The following DCLRE1C variants were observed in gnomAD, a reference collection of about 807,000 sequenced individuals.
DCLRE1C encodes the protein DNA cross-link repair 1C.
A neutral mutation model predicts 61.4 loss-of-function variants in DCLRE1C; 47 were observed. That is an observed-to-expected ratio of 0.77 (90% CI 0.61 to 0.98). The LOEUF (loss-of-function observed/expected upper bound fraction) is 0.98, where lower values mean the gene tolerates loss of function less well. Ranked by LOEUF, DCLRE1C falls within the 50% of genes least tolerant of loss-of-function variation. DCLRE1C has a pLI of 0.00. For missense variants in DCLRE1C, 858 were observed against 816.0 expected (o/e 1.05, Z -0.63); for synonymous variants, 337 against 287.6 (o/e 1.17, Z -1.74).
At position 14,908,947 on chromosome 10, in the gene DCLRE1C, CT is replaced by C; in HGVS notation, c.1539del (p.Gly515AspfsTer29). ...AAAAGCTTTGGTGACTGAGATCCCC[CT>C]GCCACTGTGGAGGAAGGGAAGTTTT... is the stretch of plus-strand genomic sequence containing the variant. ...SLENFPSSTV[A>X]GGSQSPKLFS... is the part of the protein sequence containing the mutation. On this transcript the variant is annotated frameshift_variant, in exon 14 of 14. Transcript: ENST00000378278. LOFTEE classifies it low-confidence loss of function (END_TRUNC). The C allele has an allele frequency of 6.2e-7, 1 of 1,614,206 alleles. No homozygotes were observed. Among genetic ancestry groups the C allele is most frequent in the Non-Finnish European group, 8.5e-7 (1 of 1,180,036 alleles).
At position 14,936,570 on chromosome 10, in the gene DCLRE1C, G is replaced by A. The variant is rs768414966; in HGVS notation, c.330C>T (p.Leu110=). ...ATCCCGGACAGTGACCAGCTGGTAAGAGAGTCACAACAATCTCTTCCTTCT... is the reference window on the plus strand; with the variant it reads ...ATCCCGGACAGTGACCAGCTGGTAAAAGAGTCACAACAATCTCTTCCTTCT... ...SGEKEEIVVT[L]LPAGHCPGSV... The change falls in exon 5 of 14, where the codon CTC becomes CTT. Residue 110 remains leucine (L), a synonymous_variant. Coordinates refer to ENST00000378278, the MANE Select transcript of DCLRE1C (RefSeq NM_001033855.3). 54 of 1,613,132 alleles carry A rather than the reference G, an allele frequency of 3.3e-5. No individual in the cohort carries two copies. Among genetic ancestry groups the A allele is most frequent in the Admixed American group, 1.3e-4 (8 of 59,976 alleles).
intron 3 of DCLRE1C, 129 bp from the exon 4 acceptor site, chr10:14,939,998 T>C (rs370721458): frequency 1.5e-6 from 1 of 663,238 alleles, no homozygotes; most frequent in Non-Finnish European, 2.6e-6. Context: ...TCCGATTACA[T>C]TGTAATAAAT....
At chr10:14,913,519 T>C (rs1268446036) in intron 13 of DCLRE1C, among the ~76,000 whole-genome samples, 3 of 152,216 alleles carry the variant, frequency 2.0e-5, no homozygotes, top group East Asian at 3.9e-4. Context: ...GCTGGAACAT[T>C]CCTATACCAT....
chr10:14,927,575 G>A (rs1400032441), intron 10 of DCLRE1C, among the ~76,000 whole-genome samples: 2 of 144,648 alleles, frequency 1.4e-5, no homozygotes, highest in South Asian at 2.4e-4. Context: ...GGAGGGAGTG[G>A]GGGGGGAGAA....
At chr10:14,921,741 T>A (rs1341809938) in intron 12 of DCLRE1C, among the ~76,000 whole-genome samples, 1 of 152,290 alleles carries the variant, frequency 6.6e-6, no homozygotes, top group African/African-American at 2.4e-5. Flanking sequence ...ACTCTCTCCA[T>A]CTTGGCCCAG....
At position 14,943,043 on chromosome 10, in the gene DCLRE1C, C is replaced by A. The variant is rs368507798; in HGVS notation, c.246+2062G>T. 4.6e-5 allele frequency among the ~76,000 whole-genome samples: 7 copies of A among 152,152 alleles called. No individual in the cohort carries two copies. In the East Asian group the frequency reaches 7.7e-4, roughly 17 times the overall value. On this transcript the variant is annotated intron_variant, in intron 3 of 13. Transcript: ENST00000378278. ...AGGGAGGCGGAGGCAGGGAGAATTG[C>A]TTGAACCGGTTAGATGGAGGTTGCG...
At chr10:14,934,022 G>A (rs1839459669) in intron 8 of DCLRE1C, among the ~76,000 whole-genome samples, 3 of 152,096 alleles carry the variant, frequency 2.0e-5, no homozygotes, top group African/African-American at 7.2e-5. Flanking sequence ...GAGGATGGAA[G>A]GGAGCAAGAG....
intron 1 of DCLRE1C, among the ~76,000 whole-genome samples, chr10:14,951,425 A>T (rs1842448310): frequency 1.4e-5 from 2 of 139,774 alleles, no homozygotes; most frequent in African/African-American, 5.3e-5. Context: ...AAAAAAAGGA[A>T]GTGATGTGGA....
At chr10:14,914,742 C>A (rs745672411) in intron 13 of DCLRE1C, among the ~76,000 whole-genome samples, 1 of 152,038 alleles carries the variant, frequency 6.6e-6, no homozygotes, top group Non-Finnish European at 1.5e-5. Context: ...AGTTTGAGAC[C>A]AGCCTGGCCA....
At position 14,920,185 on chromosome 10, in the gene DCLRE1C, A is replaced by T. The variant is rs542702273; in HGVS notation, c.1062-353T>A. ...AGGTCCCTATCCTGAAAACCTATGA[A>T]TACAGTGACATCCTCTGGCATTCGG... On this transcript the variant is annotated intron_variant, in intron 12 of 13. Coordinates refer to ENST00000378278, the MANE Select transcript of DCLRE1C (RefSeq NM_001033855.3). Among the ~76,000 whole-genome samples the T allele has an allele frequency of 3.3e-5, 5 of 152,256 alleles. No homozygotes were observed. In the South Asian group the frequency reaches 6.2e-4, roughly 19 times the overall value.
intron 3 of DCLRE1C, 141 bp downstream of exon 3, chr10:14,944,964 C>CA (rs1369489698): frequency 2.9e-5 from 18 of 615,074 alleles, no homozygotes; most frequent in Non-Finnish European, 4.8e-5. Flanking sequence ...TGTAAGCCAC[C>CA]ATGTCCGGCC....
intron 1 of DCLRE1C, among the ~76,000 whole-genome samples, chr10:14,952,696 G>C (rs1036278953): frequency 2.0e-5 from 3 of 152,042 alleles, no homozygotes; most frequent in African/African-American, 7.3e-5. Context: ...GCGACAAAGG[G>C]AGACCCTGTC....
chr10:14,901,924 T>C (rs1363446070), downstream of DCLRE1C, among the ~76,000 whole-genome samples: 1 of 152,240 alleles, frequency 6.6e-6, no homozygotes, highest in Non-Finnish European at 1.5e-5. Context: ...ATTTATTCTA[T>C]TCCTACTTGA....
At chr10:14,919,935 C>G (rs1465269554) in intron 12 of DCLRE1C, 103 bp from the exon 13 acceptor site, 1 of 901,348 alleles carries the variant, frequency 1.1e-6, no homozygotes, top group Non-Finnish European at 1.8e-6. Context: ...TTTTTAATTT[C>G]TTGGATCCCT....
At chr10:14,944,898 C>T (rs970775065) in intron 3 of DCLRE1C, among the ~76,000 whole-genome samples, 7 of 151,852 alleles carry the variant, frequency 4.6e-5, no homozygotes, top group African/African-American at 1.7e-4. Context: ...TGGTCATGAA[C>T]TCCTGACCTC....
chr10:14,905,052 C>T lies in DCLRE1C; in HGVS notation c.*3356G>A, dbSNP rs534090992. Among the ~76,000 whole-genome samples, 5 of 152,298 alleles carry T rather than the reference C, an allele frequency of 3.3e-5. No individual in the cohort carries two copies. In the South Asian group the frequency reaches 1.0e-3, roughly 32 times the overall value. ...GCATTTAATGTTCTATTTACCATGGCTTAGCTTTGTTTCTGTTTTACAGTC... is the reference window on the plus strand; with the variant it reads ...GCATTTAATGTTCTATTTACCATGGTTTAGCTTTGTTTCTGTTTTACAGTC... On this transcript the variant is annotated 3_prime_UTR_variant, in exon 14 of 14. Transcript: ENST00000378278.
intron 13 of DCLRE1C, among the ~76,000 whole-genome samples, chr10:14,915,073 GAAAA>G (rs943892519): frequency 6.6e-6 from 1 of 151,524 alleles, no homozygotes; most frequent in Non-Finnish European, 1.5e-5. Flanking sequence ...ATGTGTCAAA[GAAAA>G]AAAGTCAAAG....
In DCLRE1C at chr10:14,908,734, T is replaced by A; in HGVS notation, c.1753A>T (p.Asn585Tyr). The A allele has an allele frequency of 6.2e-7, 1 of 1,614,226 alleles. No individual in the cohort carries two copies. Among genetic ancestry groups the A allele is most frequent in the Non-Finnish European group, 8.5e-7 (1 of 1,180,042 alleles). ...TGTTCCATGAGAGAGGCAGGAATAT[T>A]CTCTTTGATTGTTGGTCTGTAGTCA... ...KADYRPTIKE[N>Y]IPASLMEQNV... The change falls in exon 14 of 14, where the codon AAT (asparagine) becomes TAT (tyrosine). Residue 585 changes from asparagine (N) to tyrosine (Y), a missense_variant. This residue lies in a region of DCLRE1C where 843 missense variants were observed against 783.5 expected (regional missense o/e 1.08). Coordinates refer to ENST00000378278, the MANE Select transcript of DCLRE1C (RefSeq NM_001033855.3).
chr10:14,927,573 TG>T (rs1202401112), intron 10 of DCLRE1C, among the ~76,000 whole-genome samples: 9 of 29,806 alleles, frequency 3.0e-4, no homozygotes, highest in Admixed American at 1.0e-3. Flanking sequence ...AGGGAGGGAG[TG>T]GGGGGGGAGA....
Sources: gnomAD v4.1 joint callset for allele counts (sites outside exome capture counted in the v4.1 genomes callset) on GRCh38, gnomAD v4.1.1 for gene constraint, gnomAD v4.1.1 regional missense constraint, MANE v1.5 for transcripts, NCBI Gene and HGNC (gene_info 2026-07-23, HGNC 2026-07-21) for gene names.